EXTL3: variants seen among roughly 807,000 people sequenced by gnomAD.
The protein encoded by EXTL3 is exostosin-like 3.
Under a neutral mutation model 69.3 loss-of-function variants are expected in EXTL3, and 27 were observed. The observed-to-expected ratio is 0.39, with a 90% confidence interval of 0.29 to 0.54. The LOEUF (loss-of-function observed/expected upper bound fraction) is 0.54. EXTL3 is among the 20% of genes least tolerant of loss of function. The pLI, the probability that EXTL3 is intolerant of heterozygous loss-of-function variation, is 0.69. For synonymous variants in EXTL3, 511 were observed against 499.4 expected (o/e 1.02, Z -0.31); for missense variants, 1,003 against 1,231.8 (o/e 0.81, Z 2.78).
chr8:28,688,482 T>C (rs781198991), intron 1 of EXTL3, among the ~76,000 whole-genome samples: 3 of 152,232 alleles, frequency 2.0e-5, no homozygotes, highest in Non-Finnish European at 4.4e-5. Flanking sequence ...GGATAATCCT[T>C]ACACTACTCC....
At chr8:28,676,627 A>T (rs1205148556) in intron 1 of EXTL3, among the ~76,000 whole-genome samples, 1 of 152,226 alleles carries the variant, frequency 6.6e-6, no homozygotes, top group Non-Finnish European at 1.5e-5. Flanking sequence ...ACCTATGTTA[A>T]AACACACAAA....
rs1806444916 is a variant in EXTL3 at position 28,623,438 on chromosome 8, G to T, written c.-53+628G>T. Among the ~76,000 whole-genome samples, 1 of 152,220 alleles carries T rather than the reference G, an allele frequency of 6.6e-6. No individual in the cohort carries two copies. The highest frequency in any genetic ancestry group is 2.1e-4 in the South Asian group (1 of 4,838). On this transcript the variant is annotated intron_variant, in intron 1 of 6. Transcript: ENST00000523149. This position sits in a 1 kb window ranked among gnomAD's most constrained non-coding sequence, Gnocchi z 4.2. Reference sequence around the variant, plus strand: ...AGCTTTTCAAAAGTTAAGTTTGGCAGATTGGAAGCCCGGGAATAGGGGGCG... The same window carrying T: ...AGCTTTTCAAAAGTTAAGTTTGGCATATTGGAAGCCCGGGAATAGGGGGCG...
chr8:28,708,456 A>G (rs1000999863), intron 1 of EXTL3, among the ~76,000 whole-genome samples: 4 of 148,724 alleles, frequency 2.7e-5, no homozygotes, highest in Non-Finnish European at 4.4e-5. Flanking sequence ...TAAACAGAAG[A>G]CAAATCAGTG....
At chr8:28,617,534 A>G (rs1806345034) in intron 2 of EXTL3, among the ~76,000 whole-genome samples, 1 of 152,196 alleles carries the variant, frequency 6.6e-6, no homozygotes, top group Non-Finnish European at 1.5e-5. Context: ...TAATCCCAGT[A>G]CTTTGAGAGG....
intron 3 of EXTL3, among the ~76,000 whole-genome samples, chr8:28,729,595 CAAAAAAAAAAAAAA>C (rs567929424): frequency 1.2e-4 from 4 of 33,234 alleles, no homozygotes; most frequent in Admixed American, 5.1e-4. Context: ...GACTCCATCT[CAAAAAAAAAAAAAA>C]AAAAAAAAAA....
In EXTL3 at chr8:28,701,586, A is replaced by C. The variant is rs1047403093; in HGVS notation, c.-643A>C. 15 of 158,648 alleles carry C rather than the reference A, an allele frequency of 9.5e-5. No individual in the cohort carries two copies. Among genetic ancestry groups the C allele is most frequent in the African/African-American group, 2.9e-4 (12 of 41,470 alleles). The allele number at this position is 158,648 out of a possible 1,614,324, so 9.8% of individuals were successfully genotyped here. On this transcript the variant is annotated 5_prime_UTR_variant, in exon 1 of 7. Coordinates refer to ENST00000220562, the MANE Select transcript of EXTL3 (RefSeq NM_001440.4). The stretch of plus-strand genomic sequence containing the variant: ...CCTGGAAGGCGGGCGGCCGGCAGCC[A>C]GAACGGCTTCTGGGACGCCGACTTT...
intron 2 of EXTL3, among the ~76,000 whole-genome samples, chr8:28,617,005 A>G (rs1806339465): frequency 6.6e-6 from 1 of 152,234 alleles, no homozygotes; most frequent in Admixed American, 6.5e-5. Flanking sequence ...ATGCCTACTA[A>G]TACCCAACTC....
At chr8:28,635,578 G>A (rs1806640631) in intron 1 of EXTL3, among the ~76,000 whole-genome samples, 1 of 151,202 alleles carries the variant, frequency 6.6e-6, no homozygotes, top group African/African-American at 2.4e-5. Flanking sequence ...AGGCATAGTG[G>A]CGGGTGCCTG....
At chr8:28,635,990 C>T (rs1267975658) in intron 1 of EXTL3, among the ~76,000 whole-genome samples, 1 of 152,040 alleles carries the variant, frequency 6.6e-6, no homozygotes, top group Non-Finnish European at 1.5e-5. Flanking sequence ...AAAGTGCTGG[C>T]ATTACAGGCA....
At chr8:28,741,027 G>T (rs184642261) in intron 5 of EXTL3, 1 of 152,074 alleles carries the variant, frequency 6.6e-6, no homozygotes, top group Admixed American at 6.5e-5. Flanking sequence ...TGCAATCTTG[G>T]CTCACTGCAG....
At chr8:28,638,529 C>A (rs1806690880) in intron 1 of EXTL3, among the ~76,000 whole-genome samples, 1 of 152,222 alleles carries the variant, frequency 6.6e-6, no homozygotes, top group Admixed American at 6.5e-5. Flanking sequence ...AAAATGCCTG[C>A]CAGCATCTCC....
intron 1 of EXTL3, among the ~76,000 whole-genome samples, chr8:28,706,037 A>G (rs1245085106): frequency 1.3e-5 from 2 of 152,234 alleles, no homozygotes; most frequent in Non-Finnish European, 2.9e-5. Context: ...TCCAGCTAAC[A>G]TTGTGAACAT....
chr8:28,647,654 T>A (rs1806854925), intron 1 of EXTL3, among the ~76,000 whole-genome samples: 1 of 152,192 alleles, frequency 6.6e-6, no homozygotes, highest in Non-Finnish European at 1.5e-5. Context: ...TGTGTGAGGC[T>A]GTCATTTTTG....
intron 3 of EXTL3, among the ~76,000 whole-genome samples, chr8:28,718,823 A>G (rs145040591): frequency 2.6e-4 from 39 of 152,364 alleles, no homozygotes; most frequent in Non-Finnish European, 4.1e-4. Flanking sequence ...ACCAACTCCA[A>G]TTGAACCTTC....
At chr8:28,661,007 G>A (rs1428150934) in intron 1 of EXTL3, among the ~76,000 whole-genome samples, 1 of 149,844 alleles carries the variant, frequency 6.7e-6, no homozygotes, top group Non-Finnish European at 1.5e-5. Flanking sequence ...TCCGCCTCCC[G>A]GGTTCACGCT....
At chr8:28,635,468 G>A (rs1340517691) in intron 1 of EXTL3, among the ~76,000 whole-genome samples, 3 of 150,432 alleles carry the variant, frequency 2.0e-5, no homozygotes, top group South Asian at 2.1e-4. Context: ...CTGGGAGGCC[G>A]AGGCGGGCGG....
Position 28,667,487 on chromosome 8 carries a change from C to A in EXTL3, c.-53+44677C>A, listed in dbSNP as rs1251550518. Among the ~76,000 whole-genome samples, 3 of 152,216 alleles carry A rather than the reference C, an allele frequency of 2.0e-5. No homozygotes were observed. The East Asian group carries it at 5.8e-4, about 29-fold the overall frequency. ...GGCCTCTTGGCCAAGTGGCTACCCT[C>A]CTCACTGGACTTGATAGCTCAGGCC... On this transcript the variant is annotated intron_variant, in intron 1 of 6. Coordinates refer to the EXTL3 transcript ENST00000523149.
upstream of EXTL3, among the ~76,000 whole-genome samples, chr8:28,619,990 C>T (rs1006773870): frequency 6.6e-6 from 1 of 150,884 alleles, no homozygotes; most frequent in Non-Finnish European, 1.5e-5. Context: ...CCTGCCTCAA[C>T]CTCCCGAGTA....
chr8:28,675,975 T>C (rs2130650899), intron 1 of EXTL3, among the ~76,000 whole-genome samples: 1 of 135,694 alleles, frequency 7.4e-6, no homozygotes, highest in South Asian at 2.2e-4. Context: ...TGAGCCAAGA[T>C]CATGCCACTG....
Sources: gnomAD v4.1 joint callset for allele counts (sites outside exome capture counted in the v4.1 genomes callset) on GRCh38, gnomAD v4.1.1 for gene constraint, Gnocchi (gnomAD v3.1) non-coding constraint, MANE v1.5 for transcripts, NCBI Gene and HGNC (gene_info 2026-07-23, HGNC 2026-07-21) for gene names.